The following LIX1 variants were observed in gnomAD, a reference collection of about 807,000 sequenced individuals.
The protein encoded by LIX1 is protein limb expression 1 homolog.
LIX1 carries 24 observed loss-of-function variants against 33.4 expected under a neutral mutation model. The observed-to-expected ratio is 0.72, with a 90% CI of 0.52 to 1.01. The LOEUF (loss-of-function observed/expected upper bound fraction) is 1.01, where lower values mean the gene tolerates loss of function less well. LIX1 is among the 50% of genes least tolerant of loss of function. The pLI is 0.00. For missense variants in LIX1, 311 were observed against 339.2 expected, an observed-to-expected ratio of 0.92 and a Z score of 0.65; for synonymous variants, 124 against 124.0, an observed-to-expected ratio of 1.00 and a Z score of 0.00.
At chr5:97,127,271 A>C (rs958914051) in intron 1 of LIX1, among the ~76,000 whole-genome samples, 1 of 152,224 alleles carries the variant, frequency 6.6e-6, no homozygotes, top group African/African-American at 2.4e-5. Context: ...GTCTAGGTAA[A>C]ATGCATGATA....
intron 1 of LIX1, among the ~76,000 whole-genome samples, chr5:97,138,276 G>T (rs1748211628): frequency 6.6e-6 from 1 of 152,150 alleles, no homozygotes; most frequent in Non-Finnish European, 1.5e-5. Context: ...TGACAATTAA[G>T]ATACTTTTTA....
At position 97,092,737 on chromosome 5, in the gene LIX1, T is replaced by C. The variant is rs1377943108; in HGVS notation, c.*2011A>G. 1 of 152,350 alleles carries C rather than the reference T, an allele frequency of 6.6e-6. No homozygotes were observed. The highest frequency in any genetic ancestry group is 1.5e-5 in the Non-Finnish European group (1 of 68,034). The allele number at this position is 152,350 out of a possible 1,614,324, so 9.4% of individuals were successfully genotyped here. Reference sequence around the variant, plus strand: ...TCCCTGTCCCTGCATCTAATTAAGATGGTGTCAGTTTGAGGAAGTCATTGT... The same window carrying C: ...TCCCTGTCCCTGCATCTAATTAAGACGGTGTCAGTTTGAGGAAGTCATTGT... On this transcript the variant is annotated 3_prime_UTR_variant, in exon 6 of 6. Coordinates refer to ENST00000274382, the MANE Select transcript of LIX1 (RefSeq NM_153234.5).
Position 97,092,638 on chromosome 5 carries a change from T to C in LIX1, c.*2110A>G, listed in dbSNP as rs1392986260. Reference sequence around the variant, plus strand: ...CTGACAGTGGCCAAGGGAGAACCTCTATATTCAATTTACAGAATGGGTGCA... The same window carrying C: ...CTGACAGTGGCCAAGGGAGAACCTCCATATTCAATTTACAGAATGGGTGCA... On this transcript the variant is annotated 3_prime_UTR_variant, in exon 6 of 6. Transcript: ENST00000274382. 2 of 152,392 alleles carry C rather than the reference T, an allele frequency of 1.3e-5. No individual in the cohort carries two copies. Among genetic ancestry groups the C allele is most frequent in the Non-Finnish European group, 2.9e-5 (2 of 68,042 alleles). 9.4% of individuals were successfully genotyped at this position (152,392 alleles called of 1,614,324 possible). A position where few individuals can be genotyped will look rare whatever the true frequency, so the allele number is the denominator to read the frequency against.
intron 1 of LIX1, among the ~76,000 whole-genome samples, chr5:97,142,020 A>G (rs1748301975): frequency 6.6e-6 from 1 of 152,246 alleles, no homozygotes; most frequent in African/African-American, 2.4e-5. Flanking sequence ...AAAATTTAAA[A>G]GTTCAGTGGT....
chr5:97,116,741 CA>C (rs1474331987), intron 2 of LIX1, among the ~76,000 whole-genome samples: 6 of 151,078 alleles, frequency 4.0e-5, no homozygotes, highest in South Asian at 2.1e-4. Flanking sequence ...ACGAATTGAT[CA>C]GGGCTCAAGA....
intron 4 of LIX1, among the ~76,000 whole-genome samples, chr5:97,101,153 G>A (rs982181287): frequency 6.6e-6 from 1 of 151,834 alleles, no homozygotes; most frequent in Non-Finnish European, 1.5e-5. Flanking sequence ...ACATGTTCAT[G>A]GTCTTTTATT....
chr5:97,124,444 C>A (rs767824489), intron 2 of LIX1, 22 bp downstream of exon 2: 1 of 1,564,330 alleles, frequency 6.4e-7, no homozygotes, highest in Non-Finnish European at 8.7e-7. Context: ...CTTTCACTGA[C>A]AAATTAATGG....
intron 1 of LIX1, among the ~76,000 whole-genome samples, chr5:97,126,701 A>G (rs1475966243): frequency 7.1e-5 from 10 of 140,508 alleles, no homozygotes; most frequent in Admixed American, 1.5e-4. Flanking sequence ...GTGCAGTGGC[A>G]CGATCTCGGC....
At chr5:97,107,281 C>A in intron 3 of LIX1, 79 bp downstream of exon 3, 3 of 1,361,964 alleles carry the variant, frequency 2.2e-6, no homozygotes, top group Non-Finnish European at 3.0e-6. Context: ...AGAATTTGCT[C>A]ATGTTAACAT....
chr5:97,111,867 G>A lies in LIX1; in HGVS notation c.247-4367C>T, dbSNP rs565893836. Among the ~76,000 whole-genome samples, 3 of 152,240 alleles carry A rather than the reference G, an allele frequency of 2.0e-5. No individual in the cohort carries two copies. In the East Asian group the frequency reaches 5.8e-4, roughly 29 times the overall value. On this transcript the variant is annotated intron_variant, in intron 2 of 5. Transcript: ENST00000274382. ...AGAGAACAGAAAGAGCCTTTACCCA[G>A]AAAGCATGAAAAAGGACTACAGAGA...
At chr5:97,108,833 A>G (rs1413299941) in intron 2 of LIX1, among the ~76,000 whole-genome samples, 3 of 152,194 alleles carry the variant, frequency 2.0e-5, no homozygotes, top group African/African-American at 4.8e-5. Flanking sequence ...CCCAAAATGC[A>G]TGATTCTCAG....
chr5:97,108,848 A>T (rs964605124), intron 2 of LIX1, among the ~76,000 whole-genome samples: 10 of 152,240 alleles, frequency 6.6e-5, no homozygotes. Flanking sequence ...TCTCAGAATC[A>T]GTAGTTCTTG....
chr5:97,125,406 T>C (rs1418757559), intron 1 of LIX1, among the ~76,000 whole-genome samples: 1 of 152,230 alleles, frequency 6.6e-6, no homozygotes, highest in African/African-American at 2.4e-5. Flanking sequence ...AAAGTGACCT[T>C]ATAGGTCATG....
In LIX1 at chr5:97,142,487, G is replaced by A. The variant is rs764551673; in HGVS notation, c.82+8C>T. On this transcript the variant is annotated splice_region_variant and intron_variant, in intron 1 of 5. Coordinates refer to ENST00000274382, the MANE Select transcript of LIX1 (RefSeq NM_153234.5). ...AAGTCAAAAAACTTTTCCCCCTTCA[G>A]TACTTACAGTCTTTGAAGACTAGAG... 2 of 1,607,060 alleles carry A rather than the reference G, an allele frequency of 1.2e-6. No individual in the cohort carries two copies. The highest frequency in any genetic ancestry group is 1.7e-6 in the Non-Finnish European group (2 of 1,173,560).
intron 2 of LIX1, among the ~76,000 whole-genome samples, chr5:97,107,987 G>A (rs113705592): frequency 1.3e-5 from 2 of 152,186 alleles, no homozygotes; most frequent in Non-Finnish European, 2.9e-5. Flanking sequence ...ACCTTGAGTA[G>A]GTTCATTAGT....
intron 1 of LIX1, among the ~76,000 whole-genome samples, chr5:97,124,975 A>G (rs1747882805): frequency 6.6e-6 from 1 of 152,172 alleles, no homozygotes; most frequent in Non-Finnish European, 1.5e-5. Flanking sequence ...AAAAATTAAA[A>G]ATCTCATTCT....
intron 4 of LIX1, among the ~76,000 whole-genome samples, chr5:97,101,078 AAGGTGAGGC>A (rs60353690): frequency 0.012 from 1,825 of 151,860 alleles, 14 homozygotes; most frequent in African/African-American, 0.024. Flanking sequence ...TTAGCCTCAT[AAGGTGAGGC>A]AGGTGAGGCA....
At chr5:97,100,342 CT>C (rs570865100) in intron 4 of LIX1, among the ~76,000 whole-genome samples, 1 of 151,528 alleles carries the variant, frequency 6.6e-6, no homozygotes, top group Non-Finnish European at 1.5e-5. Flanking sequence ...CACGAAGCAG[CT>C]TTTTTTTTCT....
chr5:97,110,664 G>A (rs914066535), intron 2 of LIX1, among the ~76,000 whole-genome samples: 8 of 152,096 alleles, frequency 5.3e-5, no homozygotes, highest in South Asian at 2.1e-4. Flanking sequence ...GGCTGGTCTC[G>A]AACTCCCAAC....
Sources: allele counts gnomAD v4.1 joint callset (sites outside exome capture counted in the v4.1 genomes callset), GRCh38; gene constraint gnomAD v4.1.1; transcripts MANE v1.5; gene names NCBI Gene and HGNC (gene_info 2026-07-23, HGNC 2026-07-21).